CELF1: variants seen among roughly 807,000 people sequenced by gnomAD.
The protein encoded by CELF1 is 50 kDa nuclear polyadenylated RNA-binding protein.
Under a neutral mutation model 61.8 loss-of-function variants are expected in CELF1, and 10 were observed. That is an observed-to-expected ratio of 0.16 (90% CI 0.10 to 0.27). The LOEUF is 0.27. CELF1 is among the 10% of genes least tolerant of loss of function. CELF1 has a pLI of 1.00. For synonymous variants in CELF1, 236 were observed against 225.1 expected (o/e 1.05, Z -0.43); for missense variants, 380 against 639.1 (o/e 0.59, Z 4.37).
At chr11:47,487,107 TC>T in intron 5 of CELF1, 51 bp downstream of exon 5, 1 of 1,358,766 alleles carries the variant, frequency 7.4e-7, no homozygotes, top group Admixed American at 1.7e-5. Context: ...TGTAAGTATA[TC>T]CCACATATCA....
At position 47,467,134 on chromosome 11, in the gene CELF1, G is replaced by A. The variant is rs767892637; in HGVS notation, c.*5096C>T. On this transcript the variant is annotated 3_prime_UTR_variant, in exon 15 of 15. Coordinates refer to ENST00000687097, the MANE Select transcript of CELF1 (RefSeq NM_001376376.1). ...TAGCTACATCTCTCCACCCTTCCCT[G>A]GACAGTCCTACTTCCCAGCTCACCC... is the stretch of plus-strand genomic sequence containing the variant. 2 of 152,162 alleles carry A rather than the reference G, an allele frequency of 1.3e-5. No homozygotes were observed. The highest frequency in any genetic ancestry group is 2.4e-5 in the African/African-American group (1 of 41,320). 9.4% of individuals were successfully genotyped at this position (152,162 alleles called of 1,614,324 possible).
At chr11:47,538,433 G>A (rs945350698) in intron 1 of CELF1, among the ~76,000 whole-genome samples, 14 of 152,090 alleles carry the variant, frequency 9.2e-5, no homozygotes, top group African/African-American at 2.9e-4. Flanking sequence ...CACGAGGTCA[G>A]TAGATCAAGA....
chr11:47,504,217 A>G (rs1349589113), intron 1 of CELF1, among the ~76,000 whole-genome samples: 4 of 152,238 alleles, frequency 2.6e-5, no homozygotes, highest in Non-Finnish European at 4.4e-5. Flanking sequence ...TAAGTTTTCC[A>G]TAAGAATCTA....
At chr11:47,479,354 C>T (rs995560402) in intron 9 of CELF1, among the ~76,000 whole-genome samples, 1 of 152,218 alleles carries the variant, frequency 6.6e-6, no homozygotes, top group African/African-American at 2.4e-5. Context: ...TAGGTCCACA[C>T]ATCTCACTCT....
At chr11:47,558,739 T>A (rs1445570959) in intron 2 of CELF1, among the ~76,000 whole-genome samples, 4 of 113,840 alleles carry the variant, frequency 3.5e-5, no homozygotes, top group Non-Finnish European at 6.6e-5. Context: ...TATATATAAT[T>A]GTATATATAA....
At chr11:47,492,991 T>C (rs1335875950) in intron 3 of CELF1, among the ~76,000 whole-genome samples, 1 of 152,186 alleles carries the variant, frequency 6.6e-6, no homozygotes, top group Non-Finnish European at 1.5e-5. Context: ...CCCTTCCCTC[T>C]GTTGTTTGTG....
At chr11:47,545,406 G>A (rs1170430131) in intron 1 of CELF1, among the ~76,000 whole-genome samples, 1 of 152,146 alleles carries the variant, frequency 6.6e-6, no homozygotes, top group Non-Finnish European at 1.5e-5. Flanking sequence ...ACGCTAGCCT[G>A]GGCGACAGAG....
exon 1 of CELF1, chr11:47,565,503 G>T (rs2097242095): frequency 2.2e-6 from 2 of 902,614 alleles, no homozygotes; most frequent in Non-Finnish European, 2.9e-6. Flanking sequence ...GCCGTCACCC[G>T]GTGCGAGCCC....
In CELF1 at chr11:47,543,671, G is replaced by T. The variant is rs150351147; in HGVS notation, c.-154+9321C>A. Among the ~76,000 whole-genome samples, 141 of 152,266 alleles carry T rather than the reference G, an allele frequency of 9.3e-4. 1 individual carries two copies. The highest frequency in any genetic ancestry group is 1.5e-3 in the Non-Finnish European group (101 of 68,034). On this transcript the variant is annotated intron_variant, in intron 1 of 14. Coordinates refer to ENST00000687097, the MANE Select transcript of CELF1 (RefSeq NM_001376376.1). ...TGTAATCAATCCCAACTACTCAGGA[G>T]GCTGAGACAGGAGGACTGCTTGAGC...
chr11:47,517,037 A>G (rs531221850), intron 1 of CELF1, among the ~76,000 whole-genome samples: 34 of 152,302 alleles, frequency 2.2e-4, no homozygotes, highest in African/African-American at 7.5e-4. Flanking sequence ...GCTTGAGCCC[A>G]CAAGTTCCAG....
At chr11:47,554,943 C>T (rs2097201089), upstream of CELF1, among the ~76,000 whole-genome samples, 1 of 152,222 alleles carries the variant, frequency 6.6e-6, no homozygotes, top group Non-Finnish European at 1.5e-5. Context: ...GGATTACAGG[C>T]GTGAGCCACT....
intron 1 of CELF1, among the ~76,000 whole-genome samples, chr11:47,547,065 CAAAAAAAAAAA>C (rs61222771): frequency 8.3e-4 from 33 of 39,972 alleles, no homozygotes; most frequent in East Asian, 3.4e-3. Context: ...AACTCCACCT[CAAAAAAAAAAA>C]AAAAAAAAAA....
At chr11:47,481,096 CT>C (rs2082869074) in intron 9 of CELF1, among the ~76,000 whole-genome samples, 1 of 57,624 alleles carries the variant, frequency 1.7e-5, no homozygotes, top group South Asian at 7.0e-4. Context: ...TTTTTTTTTT[CT>C]TCTTCTTTTT....
intron 1 of CELF1, among the ~76,000 whole-genome samples, chr11:47,532,628 G>A (rs2096516746): frequency 6.6e-6 from 1 of 152,158 alleles, no homozygotes; most frequent in Non-Finnish European, 1.5e-5. Flanking sequence ...ACAGAACAGT[G>A]CTGGGAAAAT....
At chr11:47,540,059 A>T (rs1266142773) in intron 1 of CELF1, among the ~76,000 whole-genome samples, 1 of 152,218 alleles carries the variant, frequency 6.6e-6, no homozygotes. Context: ...AGATATTACA[A>T]GAGGGGCTAA....
At chr11:47,547,297 T>C (rs1411933836) in intron 1 of CELF1, among the ~76,000 whole-genome samples, 1 of 152,082 alleles carries the variant, frequency 6.6e-6, no homozygotes, top group African/African-American at 2.4e-5. Context: ...TGTAATCAAT[T>C]GAACCTTTAT....
intron 1 of CELF1, among the ~76,000 whole-genome samples, chr11:47,541,289 C>T (rs1019309497): frequency 6.3e-4 from 1 of 1,600 alleles, no homozygotes; most frequent in African/African-American, 6.9e-4. Context: ...TCTGCAAGAG[C>T]TTACTCAATC....
chr11:47,487,102 G>A (rs903810978), intron 5 of CELF1, 57 bp downstream of exon 5: 2 of 1,300,008 alleles, frequency 1.5e-6, no homozygotes, highest in Non-Finnish European at 1.1e-6. Flanking sequence ...ATATGTGTAA[G>A]TATATCCCAC....
intron 1 of CELF1, among the ~76,000 whole-genome samples, chr11:47,509,455 A>G (rs527308443): frequency 6.6e-6 from 1 of 152,262 alleles, no homozygotes; most frequent in African/African-American, 2.4e-5. Context: ...TTGGAAGGAT[A>G]AGGCAGGAGC....
Sources: allele counts gnomAD v4.1 joint callset (sites outside exome capture counted in the v4.1 genomes callset), GRCh38; gene constraint gnomAD v4.1.1; transcripts MANE v1.5; gene names NCBI Gene and HGNC (gene_info 2026-07-23, HGNC 2026-07-21).